The following EPHA5 variants were observed in gnomAD, a reference collection of about 807,000 sequenced individuals.
EPHA5 encodes the protein ephrin type-A receptor 5.
In EPHA5, 60 loss-of-function variants were observed where a neutral mutation model predicts 105.0. The observed-to-expected ratio is 0.57, with a 90% confidence interval of 0.46 to 0.71. The LOEUF is 0.71. EPHA5 is among the 30% of genes least tolerant of loss of function. EPHA5 has a pLI of 0.00. For missense variants in EPHA5, 1,218 were observed against 1,274.7 expected, an observed-to-expected ratio of 0.96 and a Z score of 0.68; for synonymous variants, 513 against 449.1, an observed-to-expected ratio of 1.14 and a Z score of -1.80.
chr4:65,390,442 T>A lies in EPHA5; in HGVS notation c.1793+13932A>T, dbSNP rs141392090. 2.3e-3 allele frequency among the ~76,000 whole-genome samples: 350 copies of A among 152,158 alleles called. 3 individuals are homozygous for A. Among genetic ancestry groups the A allele is most frequent in the African/African-American group, 7.6e-3 (317 of 41,538 alleles). Reference sequence around the variant, plus strand: ...CTTCTTCCTCCTGACCAAAATCTGGTGTTTCTCTGATGGCCCTGCATGACA... The same window carrying A: ...CTTCTTCCTCCTGACCAAAATCTGGAGTTTCTCTGATGGCCCTGCATGACA... On this transcript the variant is annotated intron_variant, in intron 8 of 16. Transcript: ENST00000613740.
At chr4:65,510,522 A>G (rs1036365283) in intron 3 of EPHA5, among the ~76,000 whole-genome samples, 1 of 152,192 alleles carries the variant, frequency 6.6e-6, no homozygotes, top group Non-Finnish European at 1.5e-5. Flanking sequence ...CACTGTTTCT[A>G]TATGACCCTT....
intron 8 of EPHA5, among the ~76,000 whole-genome samples, chr4:65,400,668 C>G (rs773875251): frequency 6.6e-6 from 1 of 152,032 alleles, no homozygotes; most frequent in Non-Finnish European, 1.5e-5. Context: ...CATCCTTGAG[C>G]ATATTTTAGA....
chr4:65,617,419 C>T (rs1342047525), intron 2 of EPHA5, among the ~76,000 whole-genome samples: 1 of 151,998 alleles, frequency 6.6e-6, no homozygotes, highest in Non-Finnish European at 1.5e-5. Flanking sequence ...TGAATTTATG[C>T]ATGTAAAAAT....
At chr4:65,631,943 G>C (rs1054914757) in intron 2 of EPHA5, among the ~76,000 whole-genome samples, 130 of 151,698 alleles carry the variant, frequency 8.6e-4, no homozygotes, top group African/African-American at 3.0e-3. Context: ...AATAATGCAT[G>C]TATATCTCAA....
chr4:65,347,404 G>C (rs540978557), intron 14 of EPHA5, among the ~76,000 whole-genome samples: 8 of 152,030 alleles, frequency 5.3e-5, no homozygotes, highest in Non-Finnish European at 7.4e-5. Flanking sequence ...TAGTAATGAT[G>C]GAAAATTACA....
chr4:65,385,738 G>A (rs988615222), intron 8 of EPHA5, among the ~76,000 whole-genome samples: 1 of 151,762 alleles, frequency 6.6e-6, no homozygotes, highest in African/African-American at 2.4e-5. Context: ...ATGTATGTGT[G>A]TGATTATATT....
chr4:65,484,444 C>G (rs1008075473), intron 5 of EPHA5, among the ~76,000 whole-genome samples: 1 of 152,074 alleles, frequency 6.6e-6, no homozygotes, highest in East Asian at 1.9e-4. Context: ...TAACACCTAC[C>G]TTGGTGTTAT....
At chr4:65,574,491 A>G (rs928539094) in intron 3 of EPHA5, among the ~76,000 whole-genome samples, 3 of 149,160 alleles carry the variant, frequency 2.0e-5, no homozygotes, top group African/African-American at 7.3e-5. Context: ...ATTTGTGTAA[A>G]TAAAAATTTA....
intron 8 of EPHA5, among the ~76,000 whole-genome samples, chr4:65,370,939 C>T (rs928027194): frequency 2.6e-5 from 4 of 152,040 alleles, no homozygotes; most frequent in Admixed American, 2.0e-4. Context: ...AGCATTCAGT[C>T]TCACTGAAAA....
chr4:65,661,445 G>A (rs1222450593), intron 1 of EPHA5, among the ~76,000 whole-genome samples: 1 of 152,100 alleles, frequency 6.6e-6, no homozygotes, highest in Non-Finnish European at 1.5e-5. Context: ...TTCGAAACTA[G>A]GTGTGGTTAA....
rs183813658 is a variant in EPHA5, at chr4:65,352,533, C to A, written c.2235+509G>T. Among the ~76,000 whole-genome samples, 5 of 152,080 alleles carry A rather than the reference C, an allele frequency of 3.3e-5. No individual in the cohort carries two copies. The East Asian group carries it at 9.7e-4, about 30-fold the overall frequency. ...AACGCTGGTGATCTGATAATATTAG[C>A]TATTGTCAATTACCACGTGAACTCT... On this transcript the variant is annotated intron_variant, in intron 12 of 16. Coordinates refer to ENST00000613740, the MANE Select transcript of EPHA5 (RefSeq NM_001281766.3).
intron 5 of EPHA5, among the ~76,000 whole-genome samples, chr4:65,424,249 C>G (rs554439170): frequency 1.3e-5 from 2 of 152,148 alleles, no homozygotes; most frequent in South Asian, 4.1e-4. Context: ...AAAATCCTGT[C>G]ATCAGTTGTA....
chr4:65,355,483 A>G (rs1020888487), intron 11 of EPHA5, among the ~76,000 whole-genome samples: 10 of 151,624 alleles, frequency 6.6e-5, no homozygotes, highest in African/African-American at 2.4e-4. Flanking sequence ...AAACTCTAAA[A>G]TAGACACAGT....
intron 2 of EPHA5, among the ~76,000 whole-genome samples, chr4:65,624,881 A>T (rs1745999712): frequency 6.6e-6 from 1 of 152,168 alleles, no homozygotes; most frequent in African/African-American, 2.4e-5. Flanking sequence ...ATTGTGCCTA[A>T]CTCTTGAAAT....
chr4:65,330,717 T>C (rs1024447732), intron 16 of EPHA5: 1 of 951,066 alleles, frequency 1.1e-6, no homozygotes, highest in Non-Finnish European at 1.3e-6. Flanking sequence ...AAAATAGTTT[T>C]AAATTATCAG....
chr4:65,322,606 A>G lies in EPHA5; in HGVS notation c.*1508T>C, dbSNP rs1397186061. On this transcript the variant is annotated 3_prime_UTR_variant, in exon 17 of 17. Transcript: ENST00000613740. ...ACACTGCATAATTTGTATCACAAATATAAGTCTTCATCATGTGTGGTATAT... is the reference window on the plus strand; with the variant it reads ...ACACTGCATAATTTGTATCACAAATGTAAGTCTTCATCATGTGTGGTATAT... The G allele has an allele frequency of 4.5e-6, 1 of 224,536 alleles. No homozygotes were observed. The highest frequency in any genetic ancestry group is 2.2e-5 in the African/African-American group (1 of 44,812). The allele number at this position is 224,536 out of a possible 1,614,324, so 13.9% of individuals were successfully genotyped here. A position where few individuals can be genotyped will look rare whatever the true frequency, so the allele number is the denominator to read the frequency against.
At chr4:65,476,398 C>T (rs1387994394) in intron 5 of EPHA5, among the ~76,000 whole-genome samples, 1 of 151,964 alleles carries the variant, frequency 6.6e-6, no homozygotes, top group Non-Finnish European at 1.5e-5. Flanking sequence ...GAACACTACA[C>T]AGCCACAAAA....
intron 5 of EPHA5, among the ~76,000 whole-genome samples, chr4:65,467,072 G>A (rs2149147831): frequency 6.6e-6 from 1 of 152,244 alleles, no homozygotes; most frequent in Admixed American, 6.5e-5. Context: ...CAAGAAAGAT[G>A]GCAATAAAGC....
chr4:65,529,872 T>C (rs1735599603), intron 3 of EPHA5, among the ~76,000 whole-genome samples: 1 of 152,080 alleles, frequency 6.6e-6, no homozygotes, highest in African/African-American at 2.4e-5. Context: ...TATTGGCCAT[T>C]AGAAAGCAAT....
Sources: allele counts gnomAD v4.1 joint callset (sites outside exome capture counted in the v4.1 genomes callset), GRCh38; gene constraint gnomAD v4.1.1; transcripts MANE v1.5; gene names NCBI Gene and HGNC (gene_info 2026-07-23, HGNC 2026-07-21).